The following BNC2 variants were observed in gnomAD, a reference collection of about 807,000 sequenced individuals.
BNC2 encodes zinc finger protein basonuclin-2.
Under a neutral mutation model 76.3 loss-of-function variants are expected in BNC2, and 20 were observed. That is an observed-to-expected ratio of 0.26 (90% confidence interval 0.18 to 0.38). The LOEUF is 0.38. BNC2 is among the 10% of genes least tolerant of loss of function. The pLI, the probability that BNC2 is intolerant of heterozygous loss-of-function variation, is 1.00. For missense variants in BNC2, 1,382 were observed against 1,399.8 expected, an observed-to-expected ratio of 0.99 and a Z score of 0.20; for synonymous variants, 582 against 514.8, an observed-to-expected ratio of 1.13 and a Z score of -1.77.
chr9:16,486,624 T>C (rs1822169411), intron 5 of BNC2, among the ~76,000 whole-genome samples: 1 of 152,244 alleles, frequency 6.6e-6, no homozygotes. Context: ...CATTAGGCTC[T>C]CAAATATTTG....
At chr9:16,665,598 A>G (rs1462006600) in intron 3 of BNC2, among the ~76,000 whole-genome samples, 1 of 152,196 alleles carries the variant, frequency 6.6e-6, no homozygotes, top group African/African-American at 2.4e-5. Flanking sequence ...TTATGCTACT[A>G]AGCATGAAAG....
chr9:16,487,421 A>G (rs1403683717), intron 5 of BNC2, among the ~76,000 whole-genome samples: 1 of 152,242 alleles, frequency 6.6e-6, no homozygotes, highest in Non-Finnish European at 1.5e-5. Flanking sequence ...TGAGAGACCT[A>G]AAAGCCACGG....
intron 1 of BNC2, among the ~76,000 whole-genome samples, chr9:16,792,779 GACATTTTC>G (rs1478813556): frequency 6.6e-6 from 1 of 152,160 alleles, no homozygotes; most frequent in African/African-American, 2.4e-5. Context: ...AAACTTCATT[GACATTTTC>G]AGTAACACTG....
intron 6 of BNC2, among the ~76,000 whole-genome samples, chr9:16,431,225 T>C (rs1820901901): frequency 6.6e-6 from 1 of 152,198 alleles, no homozygotes; most frequent in Admixed American, 6.5e-5. Flanking sequence ...TATGAGCCAA[T>C]GATAAGAAAT....
chr9:16,801,122 A>G (rs10962609), intron 1 of BNC2, among the ~76,000 whole-genome samples: 1 of 152,160 alleles, frequency 6.6e-6, no homozygotes, highest in South Asian at 2.1e-4. Flanking sequence ...TATCCCCTAC[A>G]CAATTCTCCG....
chr9:16,835,596 G>C lies in BNC2; in HGVS notation c.3+35050C>G, dbSNP rs566753393. Among the ~76,000 whole-genome samples the C allele has an allele frequency of 8.5e-5, 13 of 152,332 alleles. No homozygotes were observed. In the East Asian group the frequency reaches 1.9e-3, roughly 23 times the overall value. ...CATGCCTTTAGTCCCAGCTACTTGG[G>C]AGACTGAGGCAAGGAGAATCACTTG... On this transcript the variant is annotated intron_variant, in intron 1 of 6. Transcript: ENST00000380672.
At chr9:16,870,184 T>C (rs62541922) in intron 1 of BNC2, among the ~76,000 whole-genome samples, 15,604 of 151,718 alleles carry the variant, frequency 0.1, 1,026 homozygotes, top group Middle Eastern at 0.16. Context: ...CAGCCGCCGG[T>C]CCCTCACTCG....
At chr9:16,841,350 A>AACTC (rs1818820693) in intron 1 of BNC2, among the ~76,000 whole-genome samples, 1 of 152,140 alleles carries the variant, frequency 6.6e-6, no homozygotes, top group Non-Finnish European at 1.5e-5. Flanking sequence ...TTGGGATTCA[A>AACTC]ACTCAGGACT....
At chr9:16,460,542 G>A (rs1339903371) in intron 5 of BNC2, among the ~76,000 whole-genome samples, 2 of 152,128 alleles carry the variant, frequency 1.3e-5, no homozygotes, top group African/African-American at 2.4e-5. Flanking sequence ...AGAATCACTT[G>A]TACTCGGGAG....
intron 1 of BNC2, among the ~76,000 whole-genome samples, chr9:16,760,040 C>G (rs868107022): frequency 2.6e-5 from 4 of 152,184 alleles, no homozygotes; most frequent in Middle Eastern, 6.8e-3. Flanking sequence ...GAAACTCTTA[C>G]GAGCTAAGTA....
rs552089496 is a variant in BNC2, at chr9:16,605,904, C to A, written c.331-22819G>T. On this transcript the variant is annotated intron_variant, in intron 3 of 6. Transcript: ENST00000380672. ...TCCCAGGCTCAGGTGATCCTCCCAC[C>A]TCAGCCTCCCAAGTAGCTGGGACTA... Among the ~76,000 whole-genome samples the A allele has an allele frequency of 1.9e-4, 29 of 151,926 alleles. 1 individual carries two copies. Among genetic ancestry groups the A allele is most frequent in the Admixed American group, 1.9e-3 (29 of 15,256 alleles).
At chr9:16,584,434 A>C (rs562600798) in intron 3 of BNC2, among the ~76,000 whole-genome samples, 10 of 152,242 alleles carry the variant, frequency 6.6e-5, no homozygotes, top group African/African-American at 2.4e-4. Context: ...AGTGTAAAAT[A>C]TTTCTCTTCC....
At chr9:16,782,724 G>T (rs1204247655) in intron 1 of BNC2, among the ~76,000 whole-genome samples, 1 of 152,090 alleles carries the variant, frequency 6.6e-6, no homozygotes, top group African/African-American at 2.4e-5. Context: ...TGGTACTGTG[G>T]TTGCCTGGTT....
At chr9:16,667,605 T>C (rs947729501) in intron 3 of BNC2, among the ~76,000 whole-genome samples, 3 of 152,204 alleles carry the variant, frequency 2.0e-5, no homozygotes, top group Non-Finnish European at 4.4e-5. Context: ...TTAAATGAGA[T>C]AGCCTTTTGA....
At chr9:16,780,818 TG>T (rs1174145975) in intron 1 of BNC2, among the ~76,000 whole-genome samples, 1 of 152,116 alleles carries the variant, frequency 6.6e-6, no homozygotes, top group East Asian at 1.9e-4. Context: ...CCTTGCTATG[TG>T]GGAAACATCC....
At chr9:16,756,761 G>A (rs1000299818) in intron 1 of BNC2, among the ~76,000 whole-genome samples, 19 of 152,202 alleles carry the variant, frequency 1.2e-4, no homozygotes, top group East Asian at 5.8e-4. Flanking sequence ...AGGCTGAGGC[G>A]GGGAAATCAC....
intron 5 of BNC2, among the ~76,000 whole-genome samples, chr9:16,500,653 T>G (rs1271041426): frequency 6.6e-6 from 1 of 152,152 alleles, no homozygotes; most frequent in Non-Finnish European, 1.5e-5. Context: ...GCCAAAGAAT[T>G]TAGTTTTTCA....
chr9:16,437,740 G>C (rs1222016339), intron 5 of BNC2, among the ~76,000 whole-genome samples: 1 of 152,166 alleles, frequency 6.6e-6, no homozygotes, highest in East Asian at 1.9e-4. Context: ...GAAACAGATT[G>C]AGTTTAATAA....
intron 5 of BNC2, among the ~76,000 whole-genome samples, chr9:16,528,948 G>A (rs1447254896): frequency 6.6e-6 from 1 of 152,176 alleles, no homozygotes; most frequent in Non-Finnish European, 1.5e-5. Context: ...CCAGAAGTTT[G>A]CAATTGAGGT....
Sources: allele counts gnomAD v4.1 joint callset (sites outside exome capture counted in the v4.1 genomes callset), GRCh38; gene constraint gnomAD v4.1.1; transcripts MANE v1.5; gene names NCBI Gene and HGNC (gene_info 2026-07-23, HGNC 2026-07-21).